TRAM1: variants seen among roughly 807,000 people sequenced by gnomAD.
The protein encoded by TRAM1 is translocation associated membrane protein 1.
A neutral mutation model predicts 48.7 loss-of-function variants in TRAM1; 17 were observed. The ratio of observed to expected loss-of-function variants is 0.35; its 90% CI spans 0.24 to 0.52. TRAM1 has a LOEUF of 0.52. TRAM1 is among the 20% of genes least tolerant of loss of function. TRAM1 has a pLI of 0.94. For missense variants in TRAM1, 351 were observed against 441.5 expected (o/e 0.79, Z 1.84); for synonymous variants, 182 against 154.0 (o/e 1.18, Z -1.34).
rs760089208 is a variant in TRAM1, at chr8:70,574,181, CTA to C, written c.*749_*750del. ...TTATTAATAAACATATCAAAAAGGG[CTA>C]TATGTCAGATTTTCCTGTTCATAGT... On this transcript the variant is annotated 3_prime_UTR_variant, in exon 11 of 11. Transcript: ENST00000262213. The C allele has an allele frequency of 5.0e-6, 2 of 399,028 alleles. No homozygotes were observed. The highest frequency in any genetic ancestry group is 9.6e-6 in the Non-Finnish European group (2 of 208,656). 24.7% of individuals were successfully genotyped at this position (399,028 alleles called of 1,614,324 possible). A position where few individuals can be genotyped will look rare whatever the true frequency, so the allele number is the denominator to read the frequency against.
intron 1 of TRAM1, among the ~76,000 whole-genome samples, chr8:70,601,705 T>G (rs542188951): frequency 6.6e-6 from 1 of 152,176 alleles, no homozygotes; most frequent in Non-Finnish European, 1.5e-5. Context: ...TGAAAGATAA[T>G]GAGACCTGAA....
intron 10 of TRAM1, 35 bp from the exon 11 acceptor site, chr8:70,575,040 T>TATAA (rs765998973): frequency 6.9e-7 from 1 of 1,445,120 alleles, no homozygotes; most frequent in Admixed American, 2.0e-5. Flanking sequence ...TACTCTCTTT[T>TATAA]ATAAATAAAT....
intron 6 of TRAM1, among the ~76,000 whole-genome samples, chr8:70,589,254 T>C (rs1382397547): frequency 6.6e-6 from 1 of 152,178 alleles, no homozygotes; most frequent in African/African-American, 2.4e-5. Flanking sequence ...TCTCTGAAAA[T>C]AGACGGTCTT....
At chr8:70,594,618 C>T in intron 5 of TRAM1, 28 bp from the exon 6 acceptor site, 1 of 1,513,212 alleles carries the variant, frequency 6.6e-7, no homozygotes, top group South Asian at 1.3e-5. Flanking sequence ...ATGAAGAGTA[C>T]CTTTTAAAGC....
In TRAM1 at chr8:70,589,023, C is replaced by T. The variant is rs150583624; in HGVS notation, c.571-1847G>A. On this transcript the variant is annotated intron_variant, in intron 6 of 10. Transcript: ENST00000262213. ...ACTGGTCCTCCATTTCTCTGTGTTTCAGTACTGAGAGCTACTTCACCAAAT... is the reference window on the plus strand; with the variant it reads ...ACTGGTCCTCCATTTCTCTGTGTTTTAGTACTGAGAGCTACTTCACCAAAT... Among the ~76,000 whole-genome samples, 321 of 152,266 alleles carry T rather than the reference C, an allele frequency of 2.1e-3. 3 individuals are homozygous for T. Among genetic ancestry groups the T allele is most frequent in the East Asian group, 0.018 (95 of 5,182 alleles).
chr8:70,584,380 G>C lies in TRAM1; in HGVS notation c.747-587C>G, dbSNP rs561513302. 2.0e-4 allele frequency among the ~76,000 whole-genome samples: 31 copies of C among 152,286 alleles called. No individual in the cohort carries two copies. In the East Asian group the frequency reaches 5.4e-3, roughly 26 times the overall value. On this transcript the variant is annotated intron_variant, in intron 8 of 10. Coordinates refer to ENST00000262213, the MANE Select transcript of TRAM1 (RefSeq NM_014294.6). ...AGTCCCAGTTTTTGGCACAAGACAG[G>C]GATGGCCTCTCTCACCACTCCTATT...
intron 1 of TRAM1, chr8:70,607,373 T>C (rs1427012480): frequency 1.0e-6 from 1 of 985,376 alleles, no homozygotes; most frequent in African/African-American, 1.7e-5. Context: ...CTTGTTTCTT[T>C]AAAGCGTCAG....
At chr8:70,599,994 A>C in intron 2 of TRAM1, 25 bp downstream of exon 2, 2 of 1,601,810 alleles carry the variant, frequency 1.2e-6, no homozygotes, top group Non-Finnish European at 8.6e-7. Flanking sequence ...ATTTACGTAG[A>C]AAATTCTTAG....
At chr8:70,575,092 A>C in intron 10 of TRAM1, 87 bp from the exon 11 acceptor site, 1 of 950,750 alleles carries the variant, frequency 1.1e-6, no homozygotes, top group East Asian at 2.7e-5. Flanking sequence ...TTCAGAAAAG[A>C]AAATGTAAAA....
Position 70,583,774 on chromosome 8 carries a change from G to T in TRAM1, c.766C>A (p.Leu256Ile). The change falls in exon 9 of 11, where the codon CTT becomes ATT. Residue 256 changes from leucine (L) to isoleucine (I), a missense_variant. Coordinates refer to ENST00000262213, the MANE Select transcript of TRAM1 (RefSeq NM_014294.6). ...YQKGFSLWAVLFVLGRLLTLI... is the reference protein window; with the variant it reads ...YQKGFSLWAVIFVLGRLLTLI... ...GTCAGAAGTCTTCCCAAAACAAAAA[G>T]AACTGCCCACAGAGAAAATCTGCAA... is the stretch of plus-strand genomic sequence containing the variant. 6.4e-7 allele frequency: 1 copy of T among 1,557,834 alleles called. No individual in the cohort carries two copies. Among genetic ancestry groups the T allele is most frequent in the Non-Finnish European group, 8.6e-7 (1 of 1,159,062 alleles).
chr8:70,605,325 C>T (rs570346118), intron 1 of TRAM1, among the ~76,000 whole-genome samples: 2 of 152,280 alleles, frequency 1.3e-5, no homozygotes, highest in East Asian at 3.9e-4. Context: ...TTCTGAGCTG[C>T]CCTAGGTCAC....
intron 1 of TRAM1, 76 bp downstream of exon 1, chr8:70,608,001 G>A: frequency 2.7e-6 from 4 of 1,460,302 alleles, no homozygotes; most frequent in Non-Finnish European, 3.6e-6. Context: ...GGGCGGAGAA[G>A]CCGGGGCTGG....
intron 1 of TRAM1, among the ~76,000 whole-genome samples, chr8:70,605,725 C>G (rs754762958): frequency 3.2e-4 from 48 of 152,160 alleles, no homozygotes; most frequent in Non-Finnish European, 4.7e-4. Context: ...AAAGGAAGAA[C>G]TCGCACAAAC....
intron 1 of TRAM1, among the ~76,000 whole-genome samples, chr8:70,606,200 T>C (rs1451432377): frequency 6.6e-6 from 1 of 151,802 alleles, no homozygotes; most frequent in Non-Finnish European, 1.5e-5. Context: ...TAACATTGGG[T>C]TTTTTTTGAG....
At chr8:70,587,597 T>C in intron 6 of TRAM1, 1 of 158,918 alleles carries the variant, frequency 6.3e-6, no homozygotes, top group Non-Finnish European at 1.4e-5. Context: ...GTGTATTAAA[T>C]GACACAATAT....
At position 70,583,727 on chromosome 8, in the gene TRAM1, A is replaced by C. The variant is rs777859138; in HGVS notation, c.813T>G (p.Thr271=). 1.2e-6 allele frequency: 2 copies of C among 1,612,200 alleles called. No homozygotes were observed. Residue 271 remains threonine (T), a synonymous_variant, in exon 9 of 11, where the codon ACT becomes ACG. Coordinates refer to ENST00000262213, the MANE Select transcript of TRAM1 (RefSeq NM_014294.6). ...CTGCTCTTGCAAGGCCAAAACCAAC[A>C]GTCAGTACTGAAAGAATTAAAGTCA... ...RLLTLILSVL[T]VGFGLARAEN...
rs999673632 is a variant in TRAM1 at position 70,607,424 on chromosome 8, G to A, written c.123+653C>T. On this transcript the variant is annotated intron_variant, in intron 1 of 10. Transcript: ENST00000262213. ...AACTGGTAATAATATCAGTTTAAAA[G>A]ACAAAAATGAAAACAATCTGGCGCG... 1.4e-4 allele frequency: 135 copies of A among 985,346 alleles called. No homozygotes were observed. The Admixed American group carries it at 1.9e-3, about 14-fold the overall frequency. 61.0% of individuals were successfully genotyped at this position (985,346 alleles called of 1,614,324 possible). A position where few individuals can be genotyped will look rare whatever the true frequency, so the allele number is the denominator to read the frequency against.
At chr8:70,585,034 A>T (rs1296263953) in intron 8 of TRAM1, among the ~76,000 whole-genome samples, 1 of 152,144 alleles carries the variant, frequency 6.6e-6, no homozygotes, top group East Asian at 1.9e-4. Context: ...AAACTATACT[A>T]CAAGGCCACA....
At chr8:70,577,154 T>G (rs550120478) in intron 10 of TRAM1, among the ~76,000 whole-genome samples, 1 of 152,196 alleles carries the variant, frequency 6.6e-6, no homozygotes, top group African/African-American at 2.4e-5. Flanking sequence ...TGTCAGGACT[T>G]TGGGTGCTGA....
Sources: gnomAD v4.1 joint callset for allele counts (sites outside exome capture counted in the v4.1 genomes callset) on GRCh38, gnomAD v4.1.1 for gene constraint, MANE v1.5 for transcripts, NCBI Gene and HGNC (gene_info 2026-07-23, HGNC 2026-07-21) for gene names.